The following DIAPH3 variants were observed in gnomAD, a reference collection of about 807,000 sequenced individuals.
DIAPH3 encodes the protein protein diaphanous homolog 3.
A neutral mutation model predicts 144.3 loss-of-function variants in DIAPH3; 117 were observed. The observed-to-expected ratio is 0.81, with a 90% CI of 0.70 to 0.95. The LOEUF is 0.95. Among genes scored for constraint, DIAPH3 ranks in the 40% least tolerant of loss-of-function variants. DIAPH3 has a pLI of 0.00. For missense variants in DIAPH3, 1,421 were observed against 1,412.7 expected (o/e 1.01, Z -0.09); for synonymous variants, 519 against 488.9 (o/e 1.06, Z -0.81).
Position 59,992,540 on chromosome 13 carries a change from T to TC in DIAPH3, c.1057dup (p.Asp353GlyfsTer2), listed in dbSNP as rs762099626. ...GATGTGAAGCCTGAAATCCAAATCA[T>TC]CAGGAGATGTAACCAGGGCATTGAT... is the stretch of plus-strand genomic sequence containing the variant. On this transcript the variant is annotated frameshift_variant, in exon 10 of 28. Coordinates refer to ENST00000400324, the MANE Select transcript of DIAPH3 (RefSeq NM_001042517.2). LOFTEE classifies it high-confidence loss of function. The TC allele has an allele frequency of 1.9e-6, 3 of 1,612,198 alleles. No homozygotes were observed. In the South Asian group the frequency reaches 3.3e-5, roughly 18 times the overall value.
chr13:60,110,627 A>G (rs547857670), intron 3 of DIAPH3, among the ~76,000 whole-genome samples: 5 of 152,292 alleles, frequency 3.3e-5, no homozygotes, highest in Non-Finnish European at 5.9e-5. Context: ...CTTATTTTTT[A>G]AAAAGGGCTT....
At chr13:59,690,486 T>G (rs1243150997) in intron 27 of DIAPH3, among the ~76,000 whole-genome samples, 3 of 152,184 alleles carry the variant, frequency 2.0e-5, no homozygotes, top group African/African-American at 7.2e-5. Flanking sequence ...GGAATTGTAT[T>G]TACTTAATGT....
At chr13:59,880,257 C>A (rs2044926751) in intron 20 of DIAPH3, among the ~76,000 whole-genome samples, 1 of 152,176 alleles carries the variant, frequency 6.6e-6, no homozygotes, top group Non-Finnish European at 1.5e-5. Context: ...AATCACTTAG[C>A]TGTAGGCTGA....
chr13:60,025,886 C>T (rs1212719753), intron 5 of DIAPH3, among the ~76,000 whole-genome samples: 2 of 151,968 alleles, frequency 1.3e-5, no homozygotes, highest in Admixed American at 6.6e-5. Flanking sequence ...ATTAGAGGAG[C>T]AATGAAGATG....
At chr13:59,675,269 T>C (rs1305674747) in intron 27 of DIAPH3, among the ~76,000 whole-genome samples, 1 of 152,188 alleles carries the variant, frequency 6.6e-6, no homozygotes, top group Non-Finnish European at 1.5e-5. Context: ...GGTCTTGCTA[T>C]GTTGCTCAGG....
intron 1 of DIAPH3, among the ~76,000 whole-genome samples, chr13:60,158,105 AC>A (rs1952115310): frequency 6.6e-6 from 1 of 152,116 alleles, no homozygotes. Context: ...AAAATGACAA[AC>A]TTATCCAGTG....
chr13:59,800,630 C>T (rs1371355424), intron 25 of DIAPH3, among the ~76,000 whole-genome samples: 1 of 152,158 alleles, frequency 6.6e-6, no homozygotes, highest in East Asian at 1.9e-4. Flanking sequence ...ATGCTATTTA[C>T]CTTAATGATA....
chr13:59,873,403 C>T (rs1293680206), intron 21 of DIAPH3, among the ~76,000 whole-genome samples: 1 of 152,146 alleles, frequency 6.6e-6, no homozygotes, highest in African/African-American at 2.4e-5. Flanking sequence ...AAACGACTCA[C>T]AGTGTTAACT....
At chr13:59,691,950 C>G (rs1177529267) in intron 27 of DIAPH3, among the ~76,000 whole-genome samples, 2 of 152,038 alleles carry the variant, frequency 1.3e-5, no homozygotes, top group Non-Finnish European at 2.9e-5. Flanking sequence ...CATGTTAGGA[C>G]TCAAATACTT....
In DIAPH3 at chr13:60,057,677, G is replaced by A. The variant is rs150191524; in HGVS notation, c.496-14857C>T. On this transcript the variant is annotated intron_variant, in intron 4 of 27. Transcript: ENST00000400324. ...AGGGATATAGTAACCAAAACAGCAT[G>A]GTATTGGTATAAAAGGAGATACACA... Among the ~76,000 whole-genome samples the A allele has an allele frequency of 6.2e-4, 95 of 152,090 alleles. 1 individual carries two copies. The East Asian group carries it at 0.017, about 28-fold the overall frequency.
chr13:59,908,013 T>C (rs2046818112), intron 20 of DIAPH3, among the ~76,000 whole-genome samples: 1 of 152,114 alleles, frequency 6.6e-6, no homozygotes, highest in Non-Finnish European at 1.5e-5. Flanking sequence ...CACAGTAAAT[T>C]TGTATACCAT....
intron 13 of DIAPH3, among the ~76,000 whole-genome samples, chr13:59,982,078 C>G (rs2051053595): frequency 6.6e-6 from 1 of 151,396 alleles, no homozygotes; most frequent in Non-Finnish European, 1.5e-5. Context: ...CCCCTATTGC[C>G]CACCTTTGGT....
intron 3 of DIAPH3, among the ~76,000 whole-genome samples, chr13:60,107,574 G>T (rs1170329008): frequency 1.3e-5 from 2 of 152,070 alleles, no homozygotes; most frequent in Non-Finnish European, 2.9e-5. Context: ...ACACTGAAAA[G>T]CCAATGTATG....
chr13:59,774,376 G>T, intron 26 of DIAPH3, 128 bp from the exon 27 acceptor site: 1 of 746,640 alleles, frequency 1.3e-6, no homozygotes, highest in Non-Finnish European at 2.3e-6. Context: ...TCAATATCCT[G>T]AAATACTTGA....
chr13:60,011,836 C>T (rs1318977122), intron 7 of DIAPH3, among the ~76,000 whole-genome samples: 6 of 152,026 alleles, frequency 3.9e-5, no homozygotes, highest in Non-Finnish European at 4.4e-5. Context: ...ATAAATGAGA[C>T]GATTGGGATT....
At chr13:59,769,346 CT>C (rs1281319531) in intron 27 of DIAPH3, among the ~76,000 whole-genome samples, 1 of 152,144 alleles carries the variant, frequency 6.6e-6, no homozygotes, top group Non-Finnish European at 1.5e-5. Flanking sequence ...GGCTCCACTA[CT>C]GTGTAATTCC....
intron 17 of DIAPH3, among the ~76,000 whole-genome samples, chr13:59,952,336 A>G (rs1295970840): frequency 6.6e-6 from 1 of 152,150 alleles, no homozygotes; most frequent in East Asian, 1.9e-4. Context: ...GCCGTACTAA[A>G]AGCCACAATT....
At chr13:59,713,001 T>C (rs1479688399) in intron 27 of DIAPH3, among the ~76,000 whole-genome samples, 1 of 152,168 alleles carries the variant, frequency 6.6e-6, no homozygotes, top group East Asian at 1.9e-4. Context: ...TTCGTGCTCC[T>C]ATGAGAATCT....
At chr13:60,124,114 A>G (rs1032380306) in intron 2 of DIAPH3, among the ~76,000 whole-genome samples, 5 of 152,212 alleles carry the variant, frequency 3.3e-5, no homozygotes, top group African/African-American at 7.2e-5. Context: ...CAGAAATCAC[A>G]TCGGAATGTA....
Sources: allele counts gnomAD v4.1 joint callset (sites outside exome capture counted in the v4.1 genomes callset), GRCh38; gene constraint gnomAD v4.1.1; transcripts MANE v1.5; gene names NCBI Gene and HGNC (gene_info 2026-07-23, HGNC 2026-07-21).